The following LIMCH1 variants were observed in gnomAD, a reference collection of about 807,000 sequenced individuals.
LIMCH1 encodes LIM and calponin homology domains 1.
Under a neutral mutation model 176.5 loss-of-function variants are expected in LIMCH1, and 113 were observed. The observed-to-expected ratio is 0.64, with a 90% CI of 0.55 to 0.75. The LOEUF (loss-of-function observed/expected upper bound fraction) is 0.75. LIMCH1 is among the 30% of genes least tolerant of loss of function. The pLI, the probability that LIMCH1 is intolerant of heterozygous loss-of-function variation, is 0.00. For synonymous variants in LIMCH1, 619 were observed against 645.9 expected (o/e 0.96, Z 0.63); for missense variants, 1,674 against 1,814.9 (o/e 0.92, Z 1.41).
Position 41,639,588 on chromosome 4 carries a change from C to T in LIMCH1, c.2126+621C>T, listed in dbSNP as rs2093735513. Among the ~76,000 whole-genome samples, 3 of 152,138 alleles carry T rather than the reference C, an allele frequency of 2.0e-5. No homozygotes were observed. The South Asian group carries it at 6.2e-4, about 32-fold the overall frequency. On this transcript the variant is annotated intron_variant, in intron 14 of 31. Coordinates refer to ENST00000503057, the MANE Select transcript of LIMCH1 (RefSeq NM_001330672.2). Reference sequence around the variant, plus strand: ...CACTCAACCAAGCAGAGGTTCATTCCTTATCCCGTACTCCACATCCAAATT... The same window carrying T: ...CACTCAACCAAGCAGAGGTTCATTCTTTATCCCGTACTCCACATCCAAATT...
intron 1 of LIMCH1, chr4:41,473,104 C>T: frequency 1.0e-6 from 1 of 985,150 alleles, no homozygotes; most frequent in East Asian, 1.1e-4. Flanking sequence ...ATTTTAACTC[C>T]TCCCAGTGCC....
At chr4:41,469,634 T>A (rs1358425143) in intron 1 of LIMCH1, among the ~76,000 whole-genome samples, 1 of 149,078 alleles carries the variant, frequency 6.7e-6, no homozygotes, top group Non-Finnish European at 1.5e-5. Context: ...TTTAACAACC[T>A]TTTTTAGGAT....
At chr4:41,568,898 T>C (rs1442368500) in intron 1 of LIMCH1, among the ~76,000 whole-genome samples, 1 of 152,186 alleles carries the variant, frequency 6.6e-6, no homozygotes, top group African/African-American at 2.4e-5. Context: ...TTTTTTCTTC[T>C]CTTTTTTTCT....
At chr4:41,505,968 A>ACACT (rs1165578751) in intron 2 of LIMCH1, among the ~76,000 whole-genome samples, 4 of 150,246 alleles carry the variant, frequency 2.7e-5, no homozygotes, top group Non-Finnish European at 4.4e-5. Context: ...ACACACACAC[A>ACACT]CTTTGTATAA....
At chr4:41,595,527 A>G (rs1335312832) in intron 1 of LIMCH1, among the ~76,000 whole-genome samples, 1 of 152,210 alleles carries the variant, frequency 6.6e-6, no homozygotes, top group East Asian at 1.9e-4. Context: ...AATGGAGACA[A>G]TAACAGTACC....
intron 1 of LIMCH1, among the ~76,000 whole-genome samples, chr4:41,490,570 A>G (rs970235174): frequency 6.6e-6 from 1 of 152,138 alleles, no homozygotes; most frequent in African/African-American, 2.4e-5. Context: ...GACACAGCAC[A>G]TGTTTCAGAG....
At chr4:41,529,395 G>C (rs994465389) in intron 3 of LIMCH1, among the ~76,000 whole-genome samples, 4 of 152,204 alleles carry the variant, frequency 2.6e-5, no homozygotes, top group African/African-American at 7.2e-5. Flanking sequence ...TGCGGATTCT[G>C]CCCCTGAGTG....
At chr4:41,673,355 G>A (rs1345039656) in intron 22 of LIMCH1, among the ~76,000 whole-genome samples, 3 of 152,156 alleles carry the variant, frequency 2.0e-5, no homozygotes, top group African/African-American at 7.2e-5. Context: ...CATGCCCCCT[G>A]GGTAGGGGTG....
intron 2 of LIMCH1, among the ~76,000 whole-genome samples, chr4:41,522,720 C>T (rs2076242326): frequency 6.6e-6 from 1 of 152,066 alleles, no homozygotes. Flanking sequence ...GGTTCTGGGC[C>T]TGAGTGTGCT....
chr4:41,529,100 A>G (rs1243903939), intron 3 of LIMCH1, among the ~76,000 whole-genome samples: 1 of 140,086 alleles, frequency 7.1e-6, no homozygotes, highest in Non-Finnish European at 1.5e-5. Flanking sequence ...AGGTCTTGGC[A>G]TACCAAAGGT....
intron 1 of LIMCH1, among the ~76,000 whole-genome samples, chr4:41,401,768 C>T (rs1244124647): frequency 6.6e-6 from 1 of 152,098 alleles, no homozygotes; most frequent in Non-Finnish European, 1.5e-5. Context: ...AGCTGGATTC[C>T]TAAGTATTTT....
At chr4:41,452,709 G>T (rs116393718) in intron 1 of LIMCH1, among the ~76,000 whole-genome samples, 1 of 152,068 alleles carries the variant, frequency 6.6e-6, no homozygotes, top group African/African-American at 2.4e-5. Flanking sequence ...CTTCTGCACC[G>T]CAAGGCCAGT....
At chr4:41,644,983 C>G (rs1193367904) in intron 15 of LIMCH1, among the ~76,000 whole-genome samples, 1 of 152,050 alleles carries the variant, frequency 6.6e-6, no homozygotes, top group Non-Finnish European at 1.5e-5. Context: ...TGACCAACAT[C>G]AAATGTGTAC....
At chr4:41,535,666 G>A (rs1246702653), upstream of LIMCH1, among the ~76,000 whole-genome samples, 3 of 152,168 alleles carry the variant, frequency 2.0e-5, no homozygotes, top group Non-Finnish European at 4.4e-5. Context: ...GGGAGGAGGA[G>A]ACAATTTAGC....
At position 41,538,157 on chromosome 4, in the gene LIMCH1, A is replaced by G. The variant is rs770559523; in HGVS notation, c.-434A>G. 3.0e-6 allele frequency: 3 copies of G among 985,566 alleles called. No individual in the cohort carries two copies. Among genetic ancestry groups the G allele is most frequent in the Non-Finnish European group, 3.6e-6 (3 of 829,982 alleles). 61.1% of individuals were successfully genotyped at this position (985,566 alleles called of 1,614,324 possible). On this transcript the variant is annotated 5_prime_UTR_variant, in exon 1 of 32. Coordinates refer to ENST00000503057, the MANE Select transcript of LIMCH1 (RefSeq NM_001330672.2). ...TCTTCCAGTTCCCTTTCACTGCATCAGCATTTCAGCCGCAGCAGCCTGCTT... is the reference window on the plus strand; with the variant it reads ...TCTTCCAGTTCCCTTTCACTGCATCGGCATTTCAGCCGCAGCAGCCTGCTT...
chr4:41,545,243 T>C (rs1410258379), intron 1 of LIMCH1, among the ~76,000 whole-genome samples: 1 of 152,254 alleles, frequency 6.6e-6, no homozygotes, highest in Admixed American at 6.5e-5. Flanking sequence ...TTGCCATTTC[T>C]AGATTTTTAG....
At chr4:41,425,846 C>T (rs920719199) in intron 1 of LIMCH1, among the ~76,000 whole-genome samples, 58 of 152,156 alleles carry the variant, frequency 3.8e-4, no homozygotes, top group Admixed American at 1.2e-3. Flanking sequence ...CCCACATATG[C>T]AGACACTTAA....
chr4:41,527,698 C>T (rs2076805524), intron 3 of LIMCH1, among the ~76,000 whole-genome samples: 1 of 152,000 alleles, frequency 6.6e-6, no homozygotes, highest in South Asian at 2.1e-4. Context: ...TGGTGGGCGC[C>T]TGTAGTCCCA....
At chr4:41,542,844 C>A (rs993473905) in intron 1 of LIMCH1, among the ~76,000 whole-genome samples, 1 of 152,156 alleles carries the variant, frequency 6.6e-6, no homozygotes, top group South Asian at 2.1e-4. Context: ...ATATAGGGCT[C>A]ATATGAGTCA....
Sources: allele counts gnomAD v4.1 joint callset (sites outside exome capture counted in the v4.1 genomes callset), GRCh38; gene constraint gnomAD v4.1.1; transcripts MANE v1.5; gene names NCBI Gene and HGNC (gene_info 2026-07-23, HGNC 2026-07-21).